APBB2: variants seen among roughly 807,000 people sequenced by gnomAD.
APBB2 encodes amyloid beta precursor protein binding family B member 2.
Under a neutral mutation model 82.5 loss-of-function variants are expected in APBB2, and 38 were observed. The ratio of observed to expected loss-of-function variants is 0.46; its 90% CI spans 0.36 to 0.60. The LOEUF is 0.60. Among genes scored for constraint, APBB2 ranks in the 20% least tolerant of loss-of-function variants. The pLI, the probability that APBB2 is intolerant of heterozygous loss-of-function variation, is 0.00. For missense variants in APBB2, 772 were observed against 972.3 expected, an observed-to-expected ratio of 0.79 and a Z score of 2.74; for synonymous variants, 341 against 368.2, an observed-to-expected ratio of 0.93 and a Z score of 0.85.
chr4:40,901,995 CA>C (rs1775439782), intron 10 of APBB2, among the ~76,000 whole-genome samples: 1 of 151,708 alleles, frequency 6.6e-6, no homozygotes, highest in South Asian at 2.1e-4. Context: ...TGTAAAAATA[CA>C]AAGTACAGTA....
Position 40,813,201 on chromosome 4 carries a change from ACT to A in APBB2, c.*2889_*2890del, listed in dbSNP as rs1158478214. 6.6e-6 allele frequency: 1 copy of A among 152,242 alleles called. No homozygotes were observed. The highest frequency in any genetic ancestry group is 1.5e-5 in the Non-Finnish European group (1 of 68,036). 9.4% of individuals were successfully genotyped at this position (152,242 alleles called of 1,614,324 possible). A position where few individuals can be genotyped will look rare whatever the true frequency, so the allele number is the denominator to read the frequency against. Reference sequence around the variant, plus strand: ...CCACTTTTTAGGCAATGTATAGTTCACTGAGATTACTTAGATCTGGATACACT... The same window carrying A: ...CCACTTTTTAGGCAATGTATAGTTCAGAGATTACTTAGATCTGGATACACT... On this transcript the variant is annotated 3_prime_UTR_variant, in exon 18 of 18. Transcript: ENST00000508593.
chr4:41,025,094 G>C (rs112880679), intron 5 of APBB2, among the ~76,000 whole-genome samples: 7 of 152,278 alleles, frequency 4.6e-5, no homozygotes, highest in African/African-American at 1.4e-4. Flanking sequence ...CTGGGTCTGA[G>C]TGCACTCAAT....
Position 41,033,584 on chromosome 4 carries a change from T to TCTCACACA in APBB2, c.-50-281_-50-280insTGTGTGAG, listed in dbSNP as rs1355663784. 2.9e-3 allele frequency among the ~76,000 whole-genome samples: 376 copies of TCTCACACA among 130,822 alleles called. 3 individuals carry two copies. Among genetic ancestry groups the TCTCACACA allele is most frequent in the Middle Eastern group, 7.7e-3 (2 of 260 alleles). The allele number at this position is 130,822 out of a possible 152,430, so 85.8% of individuals were successfully genotyped here. The stretch of plus-strand genomic sequence containing the variant: ...CTCAAGTTTCCAATGCTTTTTCTCA[T>TCTCACACA]CACACACACACACACACACACACAC... On this transcript the variant is annotated intron_variant, in intron 4 of 17. Coordinates refer to ENST00000508593, the MANE Select transcript of APBB2 (RefSeq NM_004307.2).
At chr4:41,193,326 AT>A (rs1336419132) in intron 1 of APBB2, among the ~76,000 whole-genome samples, 10 of 152,240 alleles carry the variant, frequency 6.6e-5, no homozygotes, top group Non-Finnish European at 1.3e-4. Context: ...GGCACTTTAC[AT>A]ATGTTATTTC....
chr4:41,136,185 C>T (rs578020888), intron 2 of APBB2, among the ~76,000 whole-genome samples: 1 of 152,198 alleles, frequency 6.6e-6, no homozygotes, highest in Non-Finnish European at 1.5e-5. Context: ...AGAGGTTACT[C>T]TAACCCAGCC....
intron 12 of APBB2, among the ~76,000 whole-genome samples, chr4:40,850,402 C>T (rs976139908): frequency 6.6e-6 from 1 of 152,214 alleles, no homozygotes; most frequent in African/African-American, 2.4e-5. Context: ...AAGACCCTGA[C>T]CTTCTGCAGG....
At chr4:41,066,165 T>C (rs1731739312) in intron 3 of APBB2, among the ~76,000 whole-genome samples, 1 of 108,814 alleles carries the variant, frequency 9.2e-6, no homozygotes, top group South Asian at 2.6e-4. Flanking sequence ...CAGTGACATA[T>C]AACATATAGA....
intron 4 of APBB2, among the ~76,000 whole-genome samples, chr4:41,041,626 G>T (rs973765408): frequency 1.4e-4 from 21 of 152,220 alleles, no homozygotes; most frequent in African/African-American, 3.9e-4. Context: ...AAAAGTTGTG[G>T]CAATAAAGGT....
Position 40,813,016 on chromosome 4 carries a change from A to T in APBB2, c.*3076T>A, listed in dbSNP as rs994890598. The T allele has an allele frequency of 3.9e-5, 6 of 152,250 alleles. No individual in the cohort carries two copies. In the South Asian group the frequency reaches 1.2e-3, roughly 31 times the overall value. The allele number at this position is 152,250 out of a possible 1,614,324, so 9.4% of individuals were successfully genotyped here. ...CAAAGGAAAGTTTTTAGCCATAGGC[A>T]TGTTGGCTAGTCGTTCCCCTTGATG... On this transcript the variant is annotated 3_prime_UTR_variant, in exon 18 of 18. Coordinates refer to ENST00000508593, the MANE Select transcript of APBB2 (RefSeq NM_004307.2).
At chr4:41,097,375 T>C (rs1312975880) in intron 3 of APBB2, among the ~76,000 whole-genome samples, 1 of 152,202 alleles carries the variant, frequency 6.6e-6, no homozygotes, top group African/African-American at 2.4e-5. Context: ...GGAATCCTTT[T>C]CTGTTCTGTT....
intron 12 of APBB2, among the ~76,000 whole-genome samples, chr4:40,846,643 C>T (rs774767696): frequency 7.9e-5 from 12 of 152,198 alleles, no homozygotes; most frequent in Non-Finnish European, 1.8e-4. Context: ...TCCCACCTCA[C>T]TGTCCTGCCC....
chr4:40,922,240 T>C (rs910095483), intron 10 of APBB2, among the ~76,000 whole-genome samples: 1 of 152,240 alleles, frequency 6.6e-6, no homozygotes, highest in Non-Finnish European at 1.5e-5. Flanking sequence ...AGCACTGTAA[T>C]TGTCATTCTT....
chr4:41,150,619 C>T (rs911737371), intron 1 of APBB2, among the ~76,000 whole-genome samples: 12 of 152,216 alleles, frequency 7.9e-5, no homozygotes, highest in African/African-American at 2.9e-4. Flanking sequence ...AAAGAATTCC[C>T]GAAGGCTTTG....
At chr4:41,128,419 C>T (rs1755036888) in intron 2 of APBB2, among the ~76,000 whole-genome samples, 3 of 152,078 alleles carry the variant, frequency 2.0e-5, no homozygotes, top group African/African-American at 4.8e-5. Flanking sequence ...GGGTATATAT[C>T]CAAAGCAAGT....
chr4:40,853,155 C>T (rs1315828184), intron 12 of APBB2, among the ~76,000 whole-genome samples: 2 of 152,320 alleles, frequency 1.3e-5, no homozygotes, highest in Admixed American at 1.3e-4. Context: ...CCCCCACCCA[C>T]CTGCTTCTCT....
chr4:40,984,527 G>A (rs1799910766), intron 6 of APBB2, among the ~76,000 whole-genome samples: 1 of 152,106 alleles, frequency 6.6e-6, no homozygotes, highest in Admixed American at 6.5e-5. Context: ...CAAATTCCCT[G>A]ACACTCCCAC....
chr4:41,165,489 CTTCTT>C (rs1271235386), intron 1 of APBB2, among the ~76,000 whole-genome samples: 8 of 152,100 alleles, frequency 5.3e-5, no homozygotes, highest in Non-Finnish European at 1.0e-4. Flanking sequence ...TTCTCTCTCT[CTTCTT>C]ATCTCTTTCC....
chr4:40,927,527 G>A (rs1047121426), intron 10 of APBB2, among the ~76,000 whole-genome samples: 7 of 152,114 alleles, frequency 4.6e-5, no homozygotes, highest in Admixed American at 2.6e-4. Context: ...TGTCACCCAG[G>A]CTGAAGTGCA....
chr4:41,084,027 A>C (rs1738701445), intron 3 of APBB2, among the ~76,000 whole-genome samples: 1 of 152,210 alleles, frequency 6.6e-6, no homozygotes. Context: ...TAAAATATGT[A>C]TTATAAAGCT....
Sources: gnomAD v4.1 joint callset for allele counts (sites outside exome capture counted in the v4.1 genomes callset) on GRCh38, gnomAD v4.1.1 for gene constraint, MANE v1.5 for transcripts, NCBI Gene and HGNC (gene_info 2026-07-23, HGNC 2026-07-21) for gene names.